The following RAPGEF5 variants were observed in gnomAD, a reference collection of about 807,000 sequenced individuals.
The protein encoded by RAPGEF5 is Rap guanine nucleotide exchange factor 5, also known as M-Ras-regulated GEF.
Under a neutral mutation model 125.2 loss-of-function variants are expected in RAPGEF5, and 65 were observed. The ratio of observed to expected loss-of-function variants is 0.52; its 90% CI spans 0.43 to 0.64. The LOEUF is 0.64. RAPGEF5 is among the 30% of genes least tolerant of loss of function. The probability of loss-of-function intolerance (pLI) is 0.00; values close to 1 mark genes in which losing one functional copy is unlikely to be tolerated. For missense variants in RAPGEF5, 958 were observed against 1,048.1 expected, an observed-to-expected ratio of 0.91 and a Z score of 1.19; for synonymous variants, 391 against 385.9, an observed-to-expected ratio of 1.01 and a Z score of -0.16.
intron 7 of RAPGEF5, among the ~76,000 whole-genome samples, chr7:22,253,636 G>C (rs1007392653): frequency 6.6e-6 from 1 of 152,148 alleles, no homozygotes; most frequent in Non-Finnish European, 1.5e-5. Flanking sequence ...ATCAAAAGGA[G>C]AGCATTCAAA....
intron 9 of RAPGEF5, among the ~76,000 whole-genome samples, chr7:22,211,861 C>T (rs1785513711): frequency 6.6e-6 from 1 of 152,124 alleles, no homozygotes; most frequent in Non-Finnish European, 1.5e-5. Context: ...CTGGCCCTAC[C>T]TCTCCCATCC....
At chr7:22,187,882 C>T (rs1490704619) in intron 11 of RAPGEF5, among the ~76,000 whole-genome samples, 4 of 152,178 alleles carry the variant, frequency 2.6e-5, no homozygotes, top group South Asian at 2.1e-4. Flanking sequence ...AACTTGGCTG[C>T]GGATTGCATC....
chr7:22,268,562 T>C (rs1782340837), intron 6 of RAPGEF5, among the ~76,000 whole-genome samples: 2 of 152,206 alleles, frequency 1.3e-5, no homozygotes, highest in South Asian at 4.1e-4. Context: ...TCACAAATAT[T>C]TGGAGTTGGG....
Position 22,285,346 on chromosome 7 carries a change from C to T in RAPGEF5, c.747+5829G>A, listed in dbSNP as rs567591113. On this transcript the variant is annotated intron_variant, in intron 6 of 25. Transcript: ENST00000665637. ...TATTCAACATGACAAATCCCCCCAA[C>T]TTTCATTCAACGAAGATTACCCCCA... is the stretch of plus-strand genomic sequence containing the variant. Among the ~76,000 whole-genome samples, 6 of 152,198 alleles carry T rather than the reference C, an allele frequency of 3.9e-5. No individual in the cohort carries two copies. The South Asian group carries it at 1.0e-3, about 26-fold the overall frequency.
intron 7 of RAPGEF5, among the ~76,000 whole-genome samples, chr7:22,263,288 T>A (rs1344003112): frequency 1.3e-5 from 2 of 152,232 alleles, no homozygotes; most frequent in Non-Finnish European, 2.9e-5. Flanking sequence ...TGGGGTAATT[T>A]GCATAAAAGA....
At chr7:22,149,092 TC>T (rs1210677185) in intron 18 of RAPGEF5, among the ~76,000 whole-genome samples, 1 of 152,168 alleles carries the variant, frequency 6.6e-6, no homozygotes, top group African/African-American at 2.4e-5. Flanking sequence ...CGAAGCACTC[TC>T]CCTGACTTGG....
At chr7:22,305,190 T>A (rs1026037433) in intron 5 of RAPGEF5, among the ~76,000 whole-genome samples, 1 of 152,198 alleles carries the variant, frequency 6.6e-6, no homozygotes, top group African/African-American at 2.4e-5. Flanking sequence ...TCCCCTCTTA[T>A]TTAATAGAGA....
chr7:22,177,579 C>T (rs1012326670), intron 11 of RAPGEF5, among the ~76,000 whole-genome samples: 4 of 152,220 alleles, frequency 2.6e-5, no homozygotes, highest in Non-Finnish European at 4.4e-5. Context: ...CAAACTGTGC[C>T]AGTGCTAATG....
chr7:22,154,407 G>C (rs1380666747), intron 17 of RAPGEF5, 48 bp downstream of exon 17: 2 of 1,596,928 alleles, frequency 1.3e-6, no homozygotes, highest in South Asian at 2.3e-5. Flanking sequence ...CCCTCCTTTT[G>C]AAGGAGATCA....
At chr7:22,129,777 C>G (rs187906010) in intron 24 of RAPGEF5, among the ~76,000 whole-genome samples, 4 of 152,236 alleles carry the variant, frequency 2.6e-5, no homozygotes, top group Admixed American at 2.6e-4. Context: ...TGATGGTCTT[C>G]GGTGTGGTTA....
At chr7:22,139,339 A>G (rs2128103083) in intron 21 of RAPGEF5, among the ~76,000 whole-genome samples, 1 of 152,268 alleles carries the variant, frequency 6.6e-6, no homozygotes, top group Middle Eastern at 3.4e-3. Flanking sequence ...TCAGGAAGGA[A>G]AGGAGAGCGA....
intron 25 of RAPGEF5, chr7:22,125,238 G>A (rs183642070): frequency 1.2e-4 from 21 of 180,554 alleles, no homozygotes; most frequent in Non-Finnish European, 1.8e-4. Flanking sequence ...AAGAGGTTAG[G>A]GGCAAGGTCA....
intron 6 of RAPGEF5, among the ~76,000 whole-genome samples, chr7:22,286,942 CAG>C (rs948287002): frequency 1.3e-5 from 2 of 152,194 alleles, no homozygotes; most frequent in Non-Finnish European, 2.9e-5. Context: ...ATCACAGCAA[CAG>C]AGACTTGCAG....
intron 9 of RAPGEF5, among the ~76,000 whole-genome samples, chr7:22,199,280 C>G (rs1341747333): frequency 6.6e-6 from 1 of 152,024 alleles, no homozygotes; most frequent in Admixed American, 6.5e-5. Context: ...AAGTGCCAAC[C>G]AGACCCGAAT....
intron 8 of RAPGEF5, among the ~76,000 whole-genome samples, chr7:22,223,240 G>A (rs904454664): frequency 6.6e-6 from 1 of 152,126 alleles, no homozygotes; most frequent in African/African-American, 2.4e-5. Context: ...AAGAGAATCT[G>A]GAGAGTAGTG....
chr7:22,324,657 T>A (rs2128156405), intron 1 of RAPGEF5, among the ~76,000 whole-genome samples: 1 of 152,304 alleles, frequency 6.6e-6, no homozygotes, highest in East Asian at 1.9e-4. Flanking sequence ...GTCTCAAAAA[T>A]TATTCAAATA....
chr7:22,258,599 G>A (rs1257156403), intron 7 of RAPGEF5, among the ~76,000 whole-genome samples: 1 of 136,474 alleles, frequency 7.3e-6, no homozygotes, highest in African/African-American at 2.8e-5. Flanking sequence ...ACTCCAGCCT[G>A]GGCAACAAGA....
chr7:22,311,537 T>C (rs1407005485), intron 3 of RAPGEF5, among the ~76,000 whole-genome samples: 4 of 152,256 alleles, frequency 2.6e-5, no homozygotes, highest in Middle Eastern at 6.8e-3. Context: ...AAAAATAAAG[T>C]AGTAAACTTT....
intron 1 of RAPGEF5, among the ~76,000 whole-genome samples, chr7:22,342,494 G>C (rs1784147994): frequency 6.6e-6 from 1 of 152,216 alleles, no homozygotes; most frequent in African/African-American, 2.4e-5. Context: ...TAGCTGGCTT[G>C]AATTTCTCCT....
Sources: gnomAD v4.1 joint callset for allele counts (sites outside exome capture counted in the v4.1 genomes callset) on GRCh38, gnomAD v4.1.1 for gene constraint, MANE v1.5 for transcripts, NCBI Gene and HGNC (gene_info 2026-07-23, HGNC 2026-07-21) for gene names.